The following SRCIN1 variants were observed in gnomAD, a reference collection of about 807,000 sequenced individuals.
The protein encoded by SRCIN1 is P130Cas-associated protein.
Under a neutral mutation model 116.2 loss-of-function variants are expected in SRCIN1, and 50 were observed. The observed-to-expected ratio is 0.43, with a 90% CI of 0.34 to 0.54. The LOEUF is 0.54. Among genes scored for constraint, SRCIN1 ranks in the 20% least tolerant of loss-of-function variants. SRCIN1 has a pLI of 0.02. For synonymous variants in SRCIN1, 736 were observed against 750.0 expected, an observed-to-expected ratio of 0.98 and a Z score of 0.30; for missense variants, 1,446 against 1,672.0, an observed-to-expected ratio of 0.86 and a Z score of 2.36.
rs958008671 is a variant in SRCIN1, at chr17:38,605,824, C to T, written c.-119G>A. 2 of 237,056 alleles carry T rather than the reference C, an allele frequency of 8.4e-6. No homozygotes were observed. The highest frequency in any genetic ancestry group is 2.4e-5 in the African/African-American group (1 of 41,582). 14.7% of individuals were successfully genotyped at this position (237,056 alleles called of 1,614,324 possible). On this transcript the variant is annotated 5_prime_UTR_variant, in exon 1 of 19. Transcript: ENST00000617146. ...GGGGCGCGGTGCCAGGCGGGCGGGCCGGGGGCGCGGGCCCCGCCGGGGTGG... is the reference window on the plus strand; with the variant it reads ...GGGGCGCGGTGCCAGGCGGGCGGGCTGGGGGCGCGGGCCCCGCCGGGGTGG...
In SRCIN1 at chr17:38,572,966, C is replaced by A. The variant is rs1480764801; in HGVS notation, c.325-4735G>T. ...GCGCGGCCCCGCCGGCGCAGCCCCG[C>A]AGAGGAGCGGCGGAGGCTGGTGGCT... On this transcript the variant is annotated intron_variant, in intron 2 of 18. Transcript: ENST00000617146. The surrounding 1 kb of genome is among the most constrained non-coding windows in gnomAD (Gnocchi z 4.3). The A allele has an allele frequency of 6.6e-6, 1 of 152,066 alleles. No individual in the cohort carries two copies. Among genetic ancestry groups the A allele is most frequent in the Non-Finnish European group, 1.5e-5 (1 of 67,938 alleles). 9.4% of individuals were successfully genotyped at this position (152,066 alleles called of 1,614,324 possible). A position where few individuals can be genotyped will look rare whatever the true frequency, so the allele number is the denominator to read the frequency against.
At chr17:38,589,754 A>G (rs1044195072) in intron 1 of SRCIN1, among the ~76,000 whole-genome samples, 1 of 152,202 alleles carries the variant, frequency 6.6e-6, no homozygotes, top group Admixed American at 6.5e-5. Flanking sequence ...CTGGGACCCA[A>G]GGCTTAGCTC....
chr17:38,552,059 T>A lies in SRCIN1; in HGVS notation c.2554A>T (p.Thr852Ser). The change falls in exon 14 of 19, where the codon ACT becomes TCT. Residue 852 changes from threonine to serine, a missense_variant. Transcript: ENST00000617146. This position sits in a 1 kb window ranked among gnomAD's most constrained non-coding sequence, Gnocchi z 5.3. ...SQSPKKVTAE[T>S]DFNKSVDFEM... ...AAGTCCACGCTCTTGTTGAAGTCAG[T>A]CTCTGCCGTCACCTTCTTGGGGGAC... is the stretch of plus-strand genomic sequence containing the variant. The A allele has an allele frequency of 6.2e-7, 1 of 1,613,582 alleles. No homozygotes were observed. The highest frequency in any genetic ancestry group is 8.5e-7 in the Non-Finnish European group (1 of 1,179,836).
At chr17:38,599,533 T>C (rs1404284734) in intron 1 of SRCIN1, among the ~76,000 whole-genome samples, 1 of 152,110 alleles carries the variant, frequency 6.6e-6, no homozygotes, top group Non-Finnish European at 1.5e-5. Flanking sequence ...CCACCGTCAT[T>C]GAGGTGAAAG....
Position 38,562,311 on chromosome 17 carries a change from T to C in SRCIN1, c.852A>G (p.Ala284=). 6.8e-7 allele frequency: 1 copy of C among 1,477,532 alleles called. No homozygotes were observed. The highest frequency in any genetic ancestry group is 8.9e-7 in the Non-Finnish European group (1 of 1,123,138). The allele number at this position is 1,477,532 out of a possible 1,614,324, so 91.5% of individuals were successfully genotyped here. The change falls in exon 7 of 19, where the codon GCA becomes GCG. Residue 284 remains alanine, a synonymous_variant. Coordinates refer to ENST00000617146, the MANE Select transcript of SRCIN1 (RefSeq NM_025248.3). The surrounding 1 kb of genome is among the most constrained non-coding windows in gnomAD (Gnocchi z 4.2). ...NGDLRREMVY[A]SRESSPTRRL... Reference sequence around the variant, plus strand: ...GCCGCGTGGGCGAGGACTCCCGCGATGCGTACACCATCTCTCTCTGCGCAG... The same window carrying C: ...GCCGCGTGGGCGAGGACTCCCGCGACGCGTACACCATCTCTCTCTGCGCAG...
rs1217084485 is a variant in SRCIN1 at position 38,578,556 on chromosome 17, G to A, written c.258C>T (p.His86=). The A allele has an allele frequency of 3.7e-6, 6 of 1,607,414 alleles. No homozygotes were observed. Among genetic ancestry groups the A allele is most frequent in the Non-Finnish European group, 5.1e-6 (6 of 1,174,882 alleles). The change falls in exon 2 of 19, where the codon CAC becomes CAT. Residue 86 remains histidine, a synonymous_variant. Coordinates refer to ENST00000617146, the MANE Select transcript of SRCIN1 (RefSeq NM_025248.3). ...CGTGCTGTGGGTACTTGCTCTTCAG[G>A]TGGTCCATGAAGGCATCACGCTTGC... ...ADRKRDAFMD[H]LKSKYPQHAL...
chr17:38,563,439 T>G lies in SRCIN1; in HGVS notation c.624A>C (p.Ala208=). The G allele has an allele frequency of 6.4e-7, 1 of 1,563,172 alleles. No individual in the cohort carries two copies. The highest frequency in any genetic ancestry group is 8.7e-7 in the Non-Finnish European group (1 of 1,153,130). Reference sequence around the variant, plus strand: ...TCTGCGGGAACATGTGCGCGATGAGTGCGTGCAGCGTGTCCAGGCTGCTGA... The same window carrying G: ...TCTGCGGGAACATGTGCGCGATGAGGGCGTGCAGCGTGTCCAGGCTGCTGA... The part of the protein sequence containing the change: ...HEVSSLDTLH[A]LIAHMFPQKL... The change falls in exon 5 of 19, where the codon GCA becomes GCC. Residue 208 remains alanine, a synonymous_variant. Transcript: ENST00000617146. The surrounding 1 kb of genome is among the most constrained non-coding windows in gnomAD (Gnocchi z 5.8).
In SRCIN1 at chr17:38,563,198, TGGGAG is replaced by T; in HGVS notation, c.740+120_740+124del. 2 of 1,110,614 alleles carry T rather than the reference TGGGAG, an allele frequency of 1.8e-6. No individual in the cohort carries two copies. Among genetic ancestry groups the T allele is most frequent in the Non-Finnish European group, 2.6e-6 (2 of 779,976 alleles). 68.8% of individuals were successfully genotyped at this position (1,110,614 alleles called of 1,614,324 possible). On this transcript the variant is annotated intron_variant, in intron 5 of 18. Transcript: ENST00000617146. The surrounding 1 kb of genome is among the most constrained non-coding windows in gnomAD (Gnocchi z 5.8). ...GGAAGGGGGCGGGGCGGTAGGGCTC[TGGGAG>T]GGGAGGGGAAAGGCTGAGGTCGGGT...
intron 14 of SRCIN1, 35 bp from the exon 15 acceptor site, chr17:38,551,424 C>G (rs1390858948): frequency 1.3e-6 from 2 of 1,549,228 alleles, no homozygotes; most frequent in African/African-American, 1.4e-5. Flanking sequence ...ATTGAGGTAG[C>G]TCTCCTGCTC....
chr17:38,547,469 C>A (rs150480391), intron 17 of SRCIN1, among the ~76,000 whole-genome samples: 2 of 152,282 alleles, frequency 1.3e-5, no homozygotes, highest in East Asian at 3.9e-4. Flanking sequence ...AATACTCAGG[C>A]CTCCATCAGC....
chr17:38,572,931 C>G lies in SRCIN1; in HGVS notation c.325-4700G>C, dbSNP rs1172577659. On this transcript the variant is annotated intron_variant, in intron 2 of 18. Coordinates refer to ENST00000617146, the MANE Select transcript of SRCIN1 (RefSeq NM_025248.3). The surrounding 1 kb of genome is among the most constrained non-coding windows in gnomAD (Gnocchi z 4.3). ...GCCGTGCACATCCCCTCTCGCGGCCCCCTCCCTCGGCGCGGCCCCGCCGGC... is the reference window on the plus strand; with the variant it reads ...GCCGTGCACATCCCCTCTCGCGGCCGCCTCCCTCGGCGCGGCCCCGCCGGC... The G allele has an allele frequency of 1.3e-5, 2 of 152,140 alleles. No homozygotes were observed. The allele number at this position is 152,140 out of a possible 1,614,324, so 9.4% of individuals were successfully genotyped here. A position where few individuals can be genotyped will look rare whatever the true frequency, so the allele number is the denominator to read the frequency against.
Position 38,563,759 on chromosome 17 carries a change from A to G in SRCIN1, c.542-238T>C. The G allele has an allele frequency of 1.5e-6, 1 of 683,538 alleles. No individual in the cohort carries two copies. Among genetic ancestry groups the G allele is most frequent in the Non-Finnish European group, 2.6e-6 (1 of 385,650 alleles). The allele number at this position is 683,538 out of a possible 1,614,324, so 42.3% of individuals were successfully genotyped here. ...TCCAGGCAGTTGAAGGAACTTGGAC[A>G]AGGAAATGGAAGTGGGGGCAGAGCA... is the stretch of plus-strand genomic sequence containing the variant. On this transcript the variant is annotated intron_variant, in intron 4 of 18. Transcript: ENST00000617146. This position sits in a 1 kb window ranked among gnomAD's most constrained non-coding sequence, Gnocchi z 5.8.
At chr17:38,542,876 C>T (rs377543069) in intron 18 of SRCIN1, 8 of 345,316 alleles carry the variant, frequency 2.3e-5, no homozygotes, top group African/African-American at 8.6e-5. Context: ...CCTTCTCTAA[C>T]GTCTTGCCTC....
chr17:38,563,892 G>T lies in SRCIN1; in HGVS notation c.541+226C>A, dbSNP rs1025779288. 6 of 613,966 alleles carry T rather than the reference G, an allele frequency of 9.8e-6. No individual in the cohort carries two copies. The highest frequency in any genetic ancestry group is 2.9e-5 in the Admixed American group (1 of 34,382). 38.0% of individuals were successfully genotyped at this position (613,966 alleles called of 1,614,324 possible). Reference sequence around the variant, plus strand: ...GGGATGAAAGAAAGGGACAGAAAAGGAAGCAAGAGGGAGAGAGGAGGCTTG... The same window carrying T: ...GGGATGAAAGAAAGGGACAGAAAAGTAAGCAAGAGGGAGAGAGGAGGCTTG... On this transcript the variant is annotated intron_variant, in intron 4 of 18. Transcript: ENST00000617146. The surrounding 1 kb of genome is among the most constrained non-coding windows in gnomAD (Gnocchi z 5.8).
chr17:38,564,144 G>T lies in SRCIN1; in HGVS notation c.515C>A (p.Ala172Asp). ...TGGGGAGCGCAGCTTGGTCTGGCTGGCCGAGCGGGAGAGAGGCAGGCTCTG... is the reference window on the plus strand; with the variant it reads ...TGGGGAGCGCAGCTTGGTCTGGCTGTCCGAGCGGGAGAGAGGCAGGCTCTG... ...FRQSLPLSRS[A>D]SQTKLRSPGV... Residue 172 changes from alanine to aspartate, a missense_variant, in exon 4 of 19, where the codon GCC (alanine) becomes GAC (aspartate). Physicochemically the swap from Ala to Asp is moderately radical, Grantham distance 126 (BLOSUM62 -2). Transcript: ENST00000617146. 1 of 1,600,518 alleles carries T rather than the reference G, an allele frequency of 6.2e-7. No homozygotes were observed. Among genetic ancestry groups the T allele is most frequent in the Non-Finnish European group, 8.5e-7 (1 of 1,174,392 alleles).
chr17:38,605,578 GCCGCCGCCCCCGCCCCCGGCCGA>G, intron 1 of SRCIN1, 83 bp downstream of exon 1: 1 of 925,706 alleles, frequency 1.1e-6, no homozygotes, highest in Non-Finnish European at 1.5e-6. Context: ...CCCCGGCCCG[GCCGCCGCCCCCGCCCCCGGCCGA>G]GGGGGAAAAC....
chr17:38,545,675 A>G (rs564991452), intron 17 of SRCIN1, among the ~76,000 whole-genome samples: 6 of 152,174 alleles, frequency 3.9e-5, no homozygotes, highest in Non-Finnish European at 2.9e-5. Context: ...CCTACTTGCC[A>G]GTAAAGGTGC....
intron 18 of SRCIN1, among the ~76,000 whole-genome samples, chr17:38,538,416 C>CA (rs536827040): frequency 0.058 from 5,813 of 99,854 alleles, 124 homozygotes; most frequent in Non-Finnish European, 0.063. Context: ...GACTCCGTCT[C>CA]AAAAAAAAAA....
At position 38,562,766 on chromosome 17, in the gene SRCIN1, C is replaced by A; in HGVS notation, c.834+61G>T. The stretch of plus-strand genomic sequence containing the variant: ...GGTTCCAGATGACAACTGCCCAGAC[C>A]CTGCTCCCCTGGACCCCATGTGCCC... On this transcript the variant is annotated intron_variant, in intron 6 of 18. Coordinates refer to ENST00000617146, the MANE Select transcript of SRCIN1 (RefSeq NM_025248.3). This position sits in a 1 kb window ranked among gnomAD's most constrained non-coding sequence, Gnocchi z 4.2. 1 of 1,465,622 alleles carries A rather than the reference C, an allele frequency of 6.8e-7. No homozygotes were observed. Among genetic ancestry groups the A allele is most frequent in the Non-Finnish European group, 9.4e-7 (1 of 1,059,350 alleles). The allele number at this position is 1,465,622 out of a possible 1,614,324, so 90.8% of individuals were successfully genotyped here.
Sources: gnomAD v4.1 joint callset for allele counts (sites outside exome capture counted in the v4.1 genomes callset) on GRCh38, gnomAD v4.1.1 for gene constraint, Gnocchi (gnomAD v3.1) non-coding constraint, MANE v1.5 for transcripts, NCBI Gene and HGNC (gene_info 2026-07-23, HGNC 2026-07-21) for gene names.